Variants in CEP83 observed in about 807,000 individuals in gnomAD.
CEP83 encodes the protein centrosomal protein of 83 kDa.
In CEP83, 70 loss-of-function variants were observed where a neutral mutation model predicts 101.9. That is an observed-to-expected ratio of 0.69 (90% CI 0.57 to 0.84). The LOEUF (loss-of-function observed/expected upper bound fraction) is 0.84. Among genes scored for constraint, CEP83 ranks in the 40% least tolerant of loss-of-function variants. The pLI is 0.00. For synonymous variants in CEP83, 264 were observed against 267.9 expected, an observed-to-expected ratio of 0.99 and a Z score of 0.14; for missense variants, 715 against 787.2, an observed-to-expected ratio of 0.91 and a Z score of 1.10.
chr12:94,276,528 G>T, the CEP83 span, among the ~76,000 whole-genome samples: 1 of 152,224 alleles, frequency 6.6e-6, no homozygotes, highest in African/African-American at 2.4e-5. Context: ...CGAGGGGTTT[G>T]TGGCACCAAT....
At position 94,422,419 on chromosome 12, in the gene CEP83, T is replaced by C. The variant is rs78030484; in HGVS notation, c.-101-9828A>G. Among the ~76,000 whole-genome samples, 322 of 152,342 alleles carry C rather than the reference T, an allele frequency of 2.1e-3. 1 individual carries two copies. The highest frequency in any genetic ancestry group is 7.4e-3 in the African/African-American group (309 of 41,568). On this transcript the variant is annotated intron_variant, in intron 2 of 16. Coordinates refer to ENST00000397809, the MANE Select transcript of CEP83 (RefSeq NM_016122.3). Reference sequence around the variant, plus strand: ...GAATACCCATTTCCAACAGCAACTGTAACACAAATCACTAGGCAATAGAAA... The same window carrying C: ...GAATACCCATTTCCAACAGCAACTGCAACACAAATCACTAGGCAATAGAAA...
chr12:94,426,172 T>C (rs925081011), intron 2 of CEP83, among the ~76,000 whole-genome samples: 3 of 152,054 alleles, frequency 2.0e-5, no homozygotes, highest in Admixed American at 2.0e-4. Flanking sequence ...CTCATTGCAC[T>C]AATTACCATT....
chr12:94,371,511 A>C (rs777195999), intron 8 of CEP83, among the ~76,000 whole-genome samples: 36 of 152,248 alleles, frequency 2.4e-4, no homozygotes, highest in Non-Finnish European at 4.8e-4. Flanking sequence ...GGATTTAATC[A>C]ATACAAACAC....
At chr12:94,383,748 A>G (rs2061980184) in intron 6 of CEP83, among the ~76,000 whole-genome samples, 3 of 151,982 alleles carry the variant, frequency 2.0e-5, no homozygotes, top group East Asian at 1.9e-4. Context: ...TTTTATCTAT[A>G]ATGTTTTAAA....
At chr12:94,355,136 C>T (rs2060393179) in intron 11 of CEP83, among the ~76,000 whole-genome samples, 2 of 152,144 alleles carry the variant, frequency 1.3e-5, no homozygotes, top group Middle Eastern at 3.4e-3. Context: ...GCAATAAATG[C>T]CTACATCAAA....
Position 94,333,601 on chromosome 12 carries a change from T to A in CEP83, c.1458A>T (p.Ala486=), listed in dbSNP as rs756085442. ...SSLQIQVTSL[A]QSENDLLNSN... ...AATTCAGCAAGTCATTCTCTGACTG[T>A]GCAAGTGAAGTCACTTGGATCTGCA... The change falls in exon 13 of 17, where the codon GCA becomes GCT. Residue 486 remains alanine, a synonymous_variant. Coordinates refer to ENST00000397809, the MANE Select transcript of CEP83 (RefSeq NM_016122.3). 6.2e-7 allele frequency: 1 copy of A among 1,613,700 alleles called. No individual in the cohort carries two copies. The highest frequency in any genetic ancestry group is 1.7e-5 in the Admixed American group (1 of 59,968).
chr12:94,411,742 T>G lies in CEP83; in HGVS notation c.279A>C (p.Gly93=), dbSNP rs914978400. 1.2e-6 allele frequency: 2 copies of G among 1,610,200 alleles called. No individual in the cohort carries two copies. The highest frequency in any genetic ancestry group is 1.7e-6 in the Non-Finnish European group (2 of 1,177,800). The part of the protein sequence containing the change: ...KLQLLLEELR[G]ELVEKTKDLE... ...AATCTTTAGTTTTCTCTACTAATTC[T>G]CCTCTTAGTTCTTCAAGCAGGAGCT... Residue 93 remains glycine (G), a synonymous_variant, in exon 4 of 17, where the codon GGA becomes GGC. Coordinates refer to ENST00000397809, the MANE Select transcript of CEP83 (RefSeq NM_016122.3).
chr12:94,286,649 T>G, the CEP83 span, among the ~76,000 whole-genome samples: 58 of 147,452 alleles, frequency 3.9e-4, no homozygotes, highest in African/African-American at 1.3e-3. Context: ...AAAATTCATT[T>G]AAAAATAGGG....
intron 4 of CEP83, among the ~76,000 whole-genome samples, chr12:94,406,788 G>A (rs541029863): frequency 1.8e-4 from 27 of 151,822 alleles, no homozygotes; most frequent in African/African-American, 6.1e-4. Context: ...TTAACCAGGC[G>A]TGGTGGCGGG....
chr12:94,411,853 T>TC lies in CEP83; in HGVS notation c.174-7_174-6insG. On this transcript the variant is annotated splice_polypyrimidine_tract_variant and splice_region_variant and intron_variant, in intron 3 of 16. Transcript: ENST00000397809. Reference sequence around the variant, plus strand: ...TTACATGTTCATTCTGCAACCTGGTTTTTTTTAAAGAGAATTCAATTTTGA... The same window carrying TC: ...TTACATGTTCATTCTGCAACCTGGTTCTTTTTTAAAGAGAATTCAATTTTGA... 1 of 1,606,638 alleles carries TC rather than the reference T, an allele frequency of 6.2e-7. No homozygotes were observed. Among genetic ancestry groups the TC allele is most frequent in the Non-Finnish European group, 8.5e-7 (1 of 1,177,448 alleles).
the CEP83 span, chr12:94,279,995 G>A: frequency 2.5e-5 from 10 of 398,618 alleles, no homozygotes; most frequent in African/African-American, 1.4e-4. Context: ...TGCCCTCTGC[G>A]TGTGTTGCAT....
intron 12 of CEP83, among the ~76,000 whole-genome samples, chr12:94,335,149 A>G (rs1345419754): frequency 6.6e-6 from 1 of 152,142 alleles, no homozygotes; most frequent in East Asian, 1.9e-4. Flanking sequence ...AATAACTTTA[A>G]TTATAAACAC....
At chr12:94,438,534 C>T (rs932232028) in intron 1 of CEP83, among the ~76,000 whole-genome samples, 4 of 151,914 alleles carry the variant, frequency 2.6e-5, no homozygotes, top group African/African-American at 7.3e-5. Flanking sequence ...ACTGGAGCTC[C>T]GAAATTTATA....
intron 6 of CEP83, among the ~76,000 whole-genome samples, chr12:94,391,793 G>A (rs1325925490): frequency 6.6e-6 from 1 of 151,398 alleles, no homozygotes; most frequent in Non-Finnish European, 1.5e-5. Flanking sequence ...GATCTACCAA[G>A]CAAAGGTAGA....
chr12:94,287,611 TTTCA>T, the CEP83 span, among the ~76,000 whole-genome samples: 16 of 152,230 alleles, frequency 1.1e-4, no homozygotes, highest in African/African-American at 3.9e-4. Flanking sequence ...GTTTAACCGC[TTTCA>T]TTAACAGATG....
the CEP83 span, chr12:94,279,852 C>T: frequency 1.3e-5 from 9 of 695,368 alleles, no homozygotes; most frequent in East Asian, 5.4e-5. Context: ...GAAGGAAGCA[C>T]GGTCCTTCAA....
At chr12:94,293,996 C>T in the CEP83 span, among the ~76,000 whole-genome samples, 1 of 152,218 alleles carries the variant, frequency 6.6e-6, no homozygotes, top group South Asian at 2.1e-4. Context: ...TCCCAAAGGC[C>T]CTACCTCCTA....
chr12:94,351,197 GGTAGGA>G (rs1271113319), intron 11 of CEP83, among the ~76,000 whole-genome samples: 4 of 152,164 alleles, frequency 2.6e-5, no homozygotes, highest in Non-Finnish European at 5.9e-5. Flanking sequence ...AGAAATGGTA[GGTAGGA>G]GTTCCTTAGC....
the CEP83 span, among the ~76,000 whole-genome samples, chr12:94,274,518 C>A: frequency 2.0e-5 from 3 of 152,136 alleles, no homozygotes; most frequent in Admixed American, 1.3e-4. Flanking sequence ...GACGACAAAC[C>A]AGATCTGCCA....
Sources: gnomAD v4.1 joint callset for allele counts (sites outside exome capture counted in the v4.1 genomes callset) on GRCh38, gnomAD v4.1.1 for gene constraint, MANE v1.5 for transcripts, NCBI Gene and HGNC (gene_info 2026-07-23, HGNC 2026-07-21) for gene names.